Variants in DMBX1 observed in about 807,000 individuals in gnomAD.
DMBX1 encodes diencephalon/mesencephalon homeobox 1, also known as diencephalon/mesencephalon homeobox protein 1.
A neutral mutation model predicts 30.4 loss-of-function variants in DMBX1; 7 were observed. The ratio of observed to expected loss-of-function variants is 0.23; its 90% CI spans 0.13 to 0.43. The LOEUF (loss-of-function observed/expected upper bound fraction) is 0.43, where lower values mean the gene tolerates loss of function less well. DMBX1 is among the 20% of genes least tolerant of loss of function. The pLI, the probability that DMBX1 is intolerant of heterozygous loss-of-function variation, is 1.00. For synonymous variants in DMBX1, 222 were observed against 214.2 expected, an observed-to-expected ratio of 1.04 and a Z score of -0.32; for missense variants, 460 against 508.5, an observed-to-expected ratio of 0.90 and a Z score of 0.92.
rs1356090340 is a variant in DMBX1 at position 46,512,084 on chromosome 1, G to T, written c.724G>T (p.Gly242Cys). The change falls in exon 6 of 6, where the codon GGT (glycine) becomes TGT (cysteine). Residue 242 changes from glycine (G) to cysteine (C), a missense_variant. Physicochemically the swap from Gly to Cys is radical, Grantham distance 159 (BLOSUM62 -3). Around this residue, in one of 3 missense-constraint regions of DMBX1, gnomAD observed 334 missense variants for 345.1 expected, o/e 0.97. Coordinates refer to ENST00000360032, the MANE Select transcript of DMBX1 (RefSeq NM_172225.2). This position sits in a 1 kb window ranked among gnomAD's most constrained non-coding sequence, Gnocchi z 4.8. ...SLTITPVAPG[G>C]GLLGPSHSYS... is the part of the protein sequence containing the mutation. ...GACCATCACTCCTGTGGCCCCAGGG[G>T]GTGGCCTCCTGGGCCCCTCCCACTC... 4 of 1,613,348 alleles carry T rather than the reference G, an allele frequency of 2.5e-6. No homozygotes were observed. Among genetic ancestry groups the T allele is most frequent in the East Asian group, 2.2e-5 (1 of 44,866 alleles).
chr1:46,499,424 C>T (rs74383833), intron 2 of DMBX1, among the ~76,000 whole-genome samples: 9,186 of 152,244 alleles, frequency 0.06, 713 homozygotes, highest in African/African-American at 0.18. Flanking sequence ...GGGGAAAGAT[C>T]CTGTGCGACT....
chr1:46,491,923 C>T lies in DMBX1; in HGVS notation c.-13+1140C>T, dbSNP rs1027767278. ...AATCGAATTTGCTGCCTAGTGAGAG[C>T]AAATTCTCTGGATAATTGGCTCAAA... On this transcript the variant is annotated intron_variant, in intron 2 of 5. Transcript: ENST00000360032. The surrounding 1 kb of genome is among the most constrained non-coding windows in gnomAD (Gnocchi z 5.5). Among the ~76,000 whole-genome samples, 1 of 152,324 alleles carries T rather than the reference C, an allele frequency of 6.6e-6. No individual in the cohort carries two copies. The highest frequency in any genetic ancestry group is 2.4e-5 in the African/African-American group (1 of 41,566).
rs531597408 is a variant in DMBX1 at position 46,512,516 on chromosome 1, C to T, written c.*22C>T. 6.3e-7 allele frequency: 1 copy of T among 1,593,960 alleles called. No homozygotes were observed. The highest frequency in any genetic ancestry group is 1.1e-5 in the South Asian group (1 of 87,988). ...CTGACTGTCTGGCTTCCAACCCAGC[C>T]AGGGGTCTTAGGTGTCCCCTCCTAG... On this transcript the variant is annotated 3_prime_UTR_variant, in exon 6 of 6. Coordinates refer to ENST00000360032, the MANE Select transcript of DMBX1 (RefSeq NM_172225.2). This position sits in a 1 kb window ranked among gnomAD's most constrained non-coding sequence, Gnocchi z 4.8.
In DMBX1 at chr1:46,511,026, C is replaced by G. The variant is rs1399951297; in HGVS notation, c.425C>G (p.Ser142Cys). ...CAGAAGCAGAAGGAGGCTGAGGGCT[C>G]CCATGGGGAAGGCAAGGCCGAGGCC... ...QLQKQKEAEG[S>C]HGEGKAEAPT... Residue 142 changes from serine (S) to cysteine (C), a missense_variant, in exon 5 of 6, where the codon TCC (serine) becomes TGC (cysteine). Around this residue, in one of 3 missense-constraint regions of DMBX1, gnomAD observed 334 missense variants for 345.1 expected, o/e 0.97. Coordinates refer to ENST00000360032, the MANE Select transcript of DMBX1 (RefSeq NM_172225.2). 6.2e-7 allele frequency: 1 copy of G among 1,614,092 alleles called. No individual in the cohort carries two copies. Among genetic ancestry groups the G allele is most frequent in the Non-Finnish European group, 8.5e-7 (1 of 1,180,004 alleles).
intron 5 of DMBX1, 70 bp downstream of exon 5, chr1:46,511,353 C>T (rs1666367786): frequency 4.2e-6 from 6 of 1,413,852 alleles, no homozygotes; most frequent in East Asian, 2.5e-5. Flanking sequence ...AAGTCAGAGG[C>T]GAGTAATCAA....
At chr1:46,500,600 G>A (rs75299474) in intron 2 of DMBX1, among the ~76,000 whole-genome samples, 1 of 136,596 alleles carries the variant, frequency 7.3e-6, no homozygotes, top group Non-Finnish European at 1.5e-5. Flanking sequence ...TGAAAATCAC[G>A]TGTAATCCCA....
rs1054285949 is a variant in DMBX1 at position 46,512,706 on chromosome 1, G to A, written c.*212G>A. The A allele has an allele frequency of 8.7e-6, 5 of 576,410 alleles. No individual in the cohort carries two copies. Among genetic ancestry groups the A allele is most frequent in the South Asian group, 2.9e-5 (1 of 34,110 alleles). The allele number at this position is 576,410 out of a possible 1,614,324, so 35.7% of individuals were successfully genotyped here. A position where few individuals can be genotyped will look rare whatever the true frequency, so the allele number is the denominator to read the frequency against. On this transcript the variant is annotated 3_prime_UTR_variant, in exon 6 of 6. Transcript: ENST00000360032. The surrounding 1 kb of genome is among the most constrained non-coding windows in gnomAD (Gnocchi z 4.8). ...GCCCTGCCTGGACCCCATGGAGGCC[G>A]AATAGGGAGGAGGTGAGAGGCTGGG...
chr1:46,503,343 A>C (rs1041363914), intron 2 of DMBX1, among the ~76,000 whole-genome samples: 1 of 152,162 alleles, frequency 6.6e-6, no homozygotes, highest in African/African-American at 2.4e-5. Flanking sequence ...TTCCAGTCCG[A>C]CAGTAGTACA....
intron 2 of DMBX1, among the ~76,000 whole-genome samples, chr1:46,498,164 C>A (rs1666059706): frequency 6.6e-6 from 1 of 152,252 alleles, no homozygotes; most frequent in Middle Eastern, 3.4e-3. Flanking sequence ...TAGTGCAGGT[C>A]CTGGCTGCCC....
chr1:46,511,089 C>T lies in DMBX1; in HGVS notation c.488C>T (p.Pro163Leu), dbSNP rs753300142. 12 of 1,614,030 alleles carry T rather than the reference C, an allele frequency of 7.4e-6. No individual in the cohort carries two copies. The East Asian group carries it at 2.2e-4, about 30-fold the overall frequency. Reference sequence around the variant, plus strand: ...ACCCAGCTGGACACTGAGCAGCCCCCACGTCTGCCTGGCAGCGACCCCCCT... The same window carrying T: ...ACCCAGCTGGACACTGAGCAGCCCCTACGTCTGCCTGGCAGCGACCCCCCT... ...PDTQLDTEQP[P>L]RLPGSDPPAE... The change falls in exon 5 of 6, where the codon CCA (proline) becomes CTA (leucine). Residue 163 changes from proline to leucine, a missense_variant. Physicochemically the swap from Pro to Leu is moderately conservative, Grantham distance 98. This residue lies in a region of DMBX1 where 334 missense variants were observed against 345.1 expected (regional missense o/e 0.97). Transcript: ENST00000360032.
intron 2 of DMBX1, 52 bp from the exon 3 acceptor site, chr1:46,506,947 G>A: frequency 6.3e-7 from 1 of 1,590,964 alleles, no homozygotes; most frequent in Non-Finnish European, 8.6e-7. Context: ...TCTCCCTGAG[G>A]GCAGAGTCTG....
intron 3 of DMBX1, among the ~76,000 whole-genome samples, chr1:46,509,645 A>C (rs1202752373): frequency 6.6e-6 from 1 of 152,130 alleles, no homozygotes; most frequent in Non-Finnish European, 1.5e-5. Context: ...GTTACCAGAC[A>C]TGTGGACAGG....
intron 3 of DMBX1, among the ~76,000 whole-genome samples, chr1:46,508,766 G>T (rs2148489536): frequency 6.6e-6 from 1 of 152,286 alleles, no homozygotes; most frequent in Non-Finnish European, 1.5e-5. Context: ...CAGAGGCTCT[G>T]CCGGCGGTTT....
intron 2 of DMBX1, among the ~76,000 whole-genome samples, chr1:46,501,381 A>G (rs1003260638): frequency 2.6e-5 from 4 of 151,552 alleles, no homozygotes; most frequent in Admixed American, 6.6e-5. Context: ...TCCGGGTTCA[A>G]GTGATTCTCT....
At chr1:46,509,633 A>G (rs556568949) in intron 3 of DMBX1, among the ~76,000 whole-genome samples, 1 of 152,210 alleles carries the variant, frequency 6.6e-6, no homozygotes, top group South Asian at 2.1e-4. Flanking sequence ...GGTGGTTATC[A>G]TGTTACCAGA....
intron 2 of DMBX1, among the ~76,000 whole-genome samples, chr1:46,500,614 G>A (rs1481654509): frequency 7.5e-6 from 1 of 133,614 alleles, no homozygotes; most frequent in African/African-American, 2.8e-5. Flanking sequence ...AATCCCATTT[G>A]CTATCTCCCA....
intron 2 of DMBX1, among the ~76,000 whole-genome samples, chr1:46,500,583 A>T (rs1666106833): frequency 6.6e-6 from 1 of 150,642 alleles, no homozygotes; most frequent in Non-Finnish European, 1.5e-5. Flanking sequence ...AAGAAATAAT[A>T]TAAATGTGAA....
chr1:46,508,402 G>A (rs1204546601), intron 3 of DMBX1, among the ~76,000 whole-genome samples: 2 of 152,204 alleles, frequency 1.3e-5, no homozygotes, highest in Admixed American at 1.3e-4. Flanking sequence ...TCTCCACCTG[G>A]GTAGCAGCAC....
intron 2 of DMBX1, among the ~76,000 whole-genome samples, chr1:46,501,354 C>T (rs1666134985): frequency 1.3e-5 from 2 of 151,286 alleles, no homozygotes; most frequent in African/African-American, 4.9e-5. Flanking sequence ...GATCTCAGGT[C>T]ACTGCAACCT....
Sources: gnomAD v4.1 joint callset for allele counts (sites outside exome capture counted in the v4.1 genomes callset) on GRCh38, gnomAD v4.1.1 for gene constraint, gnomAD v4.1.1 regional missense constraint, Gnocchi (gnomAD v3.1) non-coding constraint, MANE v1.5 for transcripts, NCBI Gene and HGNC (gene_info 2026-07-23, HGNC 2026-07-21) for gene names.